CDH18: variants seen among roughly 807,000 people sequenced by gnomAD.
CDH18 encodes the protein cadherin 18.
A neutral mutation model predicts 67.9 loss-of-function variants in CDH18; 31 were observed. That is an observed-to-expected ratio of 0.46 (90% CI 0.34 to 0.62). The LOEUF (loss-of-function observed/expected upper bound fraction) is 0.62. CDH18 is among the 20% of genes least tolerant of loss of function. The probability of loss-of-function intolerance (pLI) is 0.01; values close to 1 mark genes in which losing one functional copy is unlikely to be tolerated. For synonymous variants in CDH18, 362 were observed against 347.2 expected (o/e 1.04, Z -0.48); for missense variants, 890 against 975.5 (o/e 0.91, Z 1.17).
intron 2 of CDH18, among the ~76,000 whole-genome samples, chr5:19,997,096 G>T (rs1736077124): frequency 6.6e-6 from 1 of 152,108 alleles, no homozygotes; most frequent in South Asian, 2.1e-4. Context: ...TACTTTCAAT[G>T]AGTTGATAAA....
intron 1 of CDH18, among the ~76,000 whole-genome samples, chr5:20,287,221 C>A (rs1039204529): frequency 2.0e-5 from 3 of 151,716 alleles, no homozygotes; most frequent in African/African-American, 7.2e-5. Context: ...TGAAATAATA[C>A]TTAAAGAAAG....
chr5:20,551,283 C>T (rs539128038), intron 1 of CDH18, among the ~76,000 whole-genome samples: 2 of 151,968 alleles, frequency 1.3e-5, no homozygotes, highest in South Asian at 2.1e-4. Flanking sequence ...GTTAGAAGGA[C>T]GCTTGCTCAC....
intron 2 of CDH18, chr5:20,158,919 C>T (rs912800226): frequency 1.6e-5 from 3 of 189,938 alleles, no homozygotes; most frequent in South Asian, 1.3e-4. Context: ...TTATCACTTG[C>T]AACCCCAACT....
At chr5:20,367,943 G>A (rs887477692) in intron 1 of CDH18, among the ~76,000 whole-genome samples, 1 of 152,158 alleles carries the variant, frequency 6.6e-6, no homozygotes, top group Non-Finnish European at 1.5e-5. Flanking sequence ...ATGCATTGAT[G>A]TCTCTGCCTT....
intron 2 of CDH18, among the ~76,000 whole-genome samples, chr5:20,005,033 A>C (rs1273903049): frequency 6.6e-6 from 1 of 152,212 alleles, no homozygotes; most frequent in Non-Finnish European, 1.5e-5. Context: ...GATTGAGGGA[A>C]GACACAAGTC....
At chr5:20,336,959 C>T (rs1739828733) in intron 1 of CDH18, among the ~76,000 whole-genome samples, 1 of 152,050 alleles carries the variant, frequency 6.6e-6, no homozygotes, top group Non-Finnish European at 1.5e-5. Flanking sequence ...CTCTGGCCAA[C>T]CCCAGACATG....
chr5:20,445,643 T>G (rs979600893), intron 1 of CDH18, among the ~76,000 whole-genome samples: 1 of 152,150 alleles, frequency 6.6e-6, no homozygotes, highest in African/African-American at 2.4e-5. Flanking sequence ...GAAGAAGTGC[T>G]TACTTGGATA....
intron 2 of CDH18, among the ~76,000 whole-genome samples, chr5:19,846,915 T>G (rs1439985386): frequency 1.8e-5 from 2 of 112,390 alleles, no homozygotes; most frequent in Non-Finnish European, 4.1e-5. Flanking sequence ...GGCAAGATTT[T>G]TTTTCTTTTT....
chr5:20,165,052 G>A (rs1355906994), intron 2 of CDH18, among the ~76,000 whole-genome samples: 2 of 152,084 alleles, frequency 1.3e-5, no homozygotes, highest in Admixed American at 1.3e-4. Flanking sequence ...GGATTAAGTA[G>A]ATTTTGACAT....
intron 2 of CDH18, among the ~76,000 whole-genome samples, chr5:19,843,245 A>C (rs1782547668): frequency 6.6e-6 from 1 of 152,182 alleles, no homozygotes; most frequent in South Asian, 2.1e-4. Flanking sequence ...GGCCAGGCCC[A>C]GTGCCTTGCT....
intron 1 of CDH18, among the ~76,000 whole-genome samples, chr5:20,570,480 G>C (rs1214441838): frequency 6.6e-6 from 1 of 152,094 alleles, no homozygotes; most frequent in African/African-American, 2.4e-5. Context: ...GCCAAGGATG[G>C]GTGAGAATGG....
intron 2 of CDH18, among the ~76,000 whole-genome samples, chr5:20,230,595 C>T (rs866166164): frequency 1.3e-5 from 2 of 152,088 alleles, no homozygotes; most frequent in Non-Finnish European, 2.9e-5. Flanking sequence ...TTAAAATTTT[C>T]TTACCCATCA....
At chr5:20,093,224 C>G (rs947938867) in intron 2 of CDH18, among the ~76,000 whole-genome samples, 1 of 151,890 alleles carries the variant, frequency 6.6e-6, no homozygotes, top group Non-Finnish European at 1.5e-5. Flanking sequence ...CATACACACA[C>G]ACATAAACAC....
At chr5:20,360,715 C>A (rs1742019086) in intron 1 of CDH18, among the ~76,000 whole-genome samples, 1 of 152,178 alleles carries the variant, frequency 6.6e-6, no homozygotes. Context: ...TCAGTCAGTA[C>A]AATCTGCATA....
At chr5:19,839,757 T>C (rs1359239957) in intron 2 of CDH18, among the ~76,000 whole-genome samples, 1 of 152,126 alleles carries the variant, frequency 6.6e-6, no homozygotes, top group Admixed American at 6.6e-5. Context: ...GGCTGAATTA[T>C]AGATTGTGTA....
chr5:19,775,646 C>G (rs986146127), intron 3 of CDH18, among the ~76,000 whole-genome samples: 1 of 152,064 alleles, frequency 6.6e-6, no homozygotes, highest in Non-Finnish European at 1.5e-5. Flanking sequence ...ATCCAAACAC[C>G]ACCTACCAGG....
chr5:19,993,342 C>T (rs755411545), intron 2 of CDH18, among the ~76,000 whole-genome samples: 8 of 152,038 alleles, frequency 5.3e-5, no homozygotes, highest in Non-Finnish European at 1.2e-4. Flanking sequence ...ATTTAGACAT[C>T]CTTAATAATA....
intron 2 of CDH18, among the ~76,000 whole-genome samples, chr5:20,223,249 T>G (rs888676604): frequency 2.0e-5 from 3 of 152,094 alleles, no homozygotes; most frequent in African/African-American, 7.2e-5. Context: ...AAGGAGATCA[T>G]TTTGGAGTTC....
intron 2 of CDH18, among the ~76,000 whole-genome samples, chr5:19,844,744 G>A (rs6866603): frequency 0.03 from 4,568 of 152,214 alleles, 247 homozygotes; most frequent in African/African-American, 0.1. Context: ...GGTGAGCTCT[G>A]CAGATATGAC....
Sources: gnomAD v4.1 joint callset for allele counts (sites outside exome capture counted in the v4.1 genomes callset) on GRCh38, gnomAD v4.1.1 for gene constraint, MANE v1.5 for transcripts, NCBI Gene and HGNC (gene_info 2026-07-23, HGNC 2026-07-21) for gene names.